Variants in ANKS1B observed in about 807,000 individuals in gnomAD.
The protein encoded by ANKS1B is ankyrin repeat and sterile alpha motif domain-containing protein 1B.
In ANKS1B, 36 loss-of-function variants were observed where a neutral mutation model predicts 148.3. That is an observed-to-expected ratio of 0.24 (90% CI 0.19 to 0.32). The LOEUF (loss-of-function observed/expected upper bound fraction) is 0.32, where lower values mean the gene tolerates loss of function less well. Among genes scored for constraint, ANKS1B ranks in the 10% least tolerant of loss-of-function variants. ANKS1B has a pLI of 1.00. For synonymous variants in ANKS1B, 542 were observed against 560.8 expected (o/e 0.97, Z 0.47); for missense variants, 1,157 against 1,542.6 (o/e 0.75, Z 4.19).
intron 10 of ANKS1B, among the ~76,000 whole-genome samples, chr12:99,461,471 T>C (rs2095968464): frequency 6.6e-6 from 1 of 152,232 alleles, no homozygotes; most frequent in South Asian, 2.1e-4. Flanking sequence ...AATCCCTGAA[T>C]AAAATATCAC....
intron 6 of ANKS1B, among the ~76,000 whole-genome samples, chr12:99,776,068 T>C (rs1601891730): frequency 6.6e-6 from 1 of 152,184 alleles, no homozygotes; most frequent in African/African-American, 2.4e-5. Context: ...CAAATTCAGA[T>C]GGATACCACA....
In ANKS1B at chr12:99,634,037, G is replaced by A. The variant is rs867940821; in HGVS notation, c.1272+21030C>T. On this transcript the variant is annotated intron_variant, in intron 9 of 26. Coordinates refer to ENST00000683438, the MANE Select transcript of ANKS1B (RefSeq NM_001352186.2). ...TTGGGGCTATGATGTGGAAGAAATGGATTTTTATGTGAGAAGGACATCAGT... is the reference window on the plus strand; with the variant it reads ...TTGGGGCTATGATGTGGAAGAAATGAATTTTTATGTGAGAAGGACATCAGT... Among the ~76,000 whole-genome samples, 7 of 152,120 alleles carry A rather than the reference G, an allele frequency of 4.6e-5. No homozygotes were observed. In the South Asian group the frequency reaches 1.2e-3, roughly 27 times the overall value.
At chr12:99,265,736 A>C (rs1163259286) in intron 12 of ANKS1B, among the ~76,000 whole-genome samples, 1 of 152,136 alleles carries the variant, frequency 6.6e-6, no homozygotes, top group Non-Finnish European at 1.5e-5. Flanking sequence ...AGAGTAAGCA[A>C]GTCATGATCC....
At chr12:99,887,549 G>C (rs368017018) in intron 1 of ANKS1B, among the ~76,000 whole-genome samples, 15 of 152,160 alleles carry the variant, frequency 9.9e-5, no homozygotes, top group African/African-American at 3.6e-4. Context: ...TAGAAGACAT[G>C]TGGAGGCAAA....
chr12:99,760,947 A>C (rs2062037072), intron 8 of ANKS1B, among the ~76,000 whole-genome samples: 1 of 151,332 alleles, frequency 6.6e-6, no homozygotes, highest in African/African-American at 2.4e-5. Context: ...AATCTAGAGG[A>C]AGTAGATAAA....
At chr12:99,971,123 G>A (rs1174486018) in intron 1 of ANKS1B, among the ~76,000 whole-genome samples, 7 of 152,088 alleles carry the variant, frequency 4.6e-5, no homozygotes, top group African/African-American at 1.7e-4. Flanking sequence ...TGATTAATGA[G>A]CTTTGTCTAA....
At chr12:99,707,028 C>T (rs1038970689) in intron 8 of ANKS1B, among the ~76,000 whole-genome samples, 13 of 152,126 alleles carry the variant, frequency 8.5e-5, no homozygotes, top group Admixed American at 5.2e-4. Flanking sequence ...ATACCTGACA[C>T]ACGAAACTGT....
chr12:99,549,116 C>T (rs1289848982), intron 9 of ANKS1B, among the ~76,000 whole-genome samples: 2 of 151,894 alleles, frequency 1.3e-5, no homozygotes, highest in African/African-American at 2.4e-5. Flanking sequence ...AAGAAGAAAC[C>T]GAAACTCTAG....
intron 17 of ANKS1B, among the ~76,000 whole-genome samples, chr12:98,995,428 T>TA (rs1481232517): frequency 6.6e-6 from 1 of 151,800 alleles, no homozygotes; most frequent in South Asian, 2.1e-4. Context: ...CCATCTCTAC[T>TA]AAAAAAAATT....
chr12:98,846,005 C>CACACACACAT (rs1491400567), intron 17 of ANKS1B, among the ~76,000 whole-genome samples: 19 of 149,638 alleles, frequency 1.3e-4, no homozygotes, highest in African/African-American at 3.0e-4. Flanking sequence ...CACACACACA[C>CACACACACAT]ATATATGTAC....
At chr12:99,576,812 G>A (rs769239253) in intron 9 of ANKS1B, among the ~76,000 whole-genome samples, 1 of 151,734 alleles carries the variant, frequency 6.6e-6, no homozygotes, top group Non-Finnish European at 1.5e-5. Context: ...TTGTTACCTA[G>A]GTATATTGGG....
At chr12:99,070,954 C>A (rs2046084369) in intron 16 of ANKS1B, among the ~76,000 whole-genome samples, 1 of 152,214 alleles carries the variant, frequency 6.6e-6, no homozygotes, top group Non-Finnish European at 1.5e-5. Flanking sequence ...CATAAGCCAA[C>A]ACGCCCAGCC....
intron 17 of ANKS1B, among the ~76,000 whole-genome samples, chr12:98,917,559 G>A (rs1176715513): frequency 2.0e-5 from 3 of 152,188 alleles, no homozygotes; most frequent in South Asian, 4.1e-4. Flanking sequence ...CAATTAATAC[G>A]AAGCGTAAGA....
At chr12:99,325,557 C>T (rs143234089) in intron 12 of ANKS1B, among the ~76,000 whole-genome samples, 1 of 149,742 alleles carries the variant, frequency 6.7e-6, no homozygotes, top group Non-Finnish European at 1.5e-5. Flanking sequence ...CAGCGAATGC[C>T]ATAGACATCT....
intron 1 of ANKS1B, among the ~76,000 whole-genome samples, chr12:99,943,952 CT>C (rs1234851042): frequency 6.6e-6 from 1 of 152,084 alleles, no homozygotes. Flanking sequence ...TATCCCTCCC[CT>C]AGCCCCCACC....
chr12:99,314,837 C>A (rs1369512370), intron 12 of ANKS1B, among the ~76,000 whole-genome samples: 1 of 152,126 alleles, frequency 6.6e-6, no homozygotes, highest in Non-Finnish European at 1.5e-5. Flanking sequence ...CTAGGCAATA[C>A]CATTCAGGAC....
intron 17 of ANKS1B, among the ~76,000 whole-genome samples, chr12:98,904,176 A>G (rs2099775909): frequency 6.6e-6 from 1 of 152,124 alleles, no homozygotes; most frequent in African/African-American, 2.4e-5. Flanking sequence ...GGCTGAAGCA[A>G]GGGCTATGGG....
At chr12:99,219,691 T>C (rs1293724161) in intron 14 of ANKS1B, among the ~76,000 whole-genome samples, 3 of 152,330 alleles carry the variant, frequency 2.0e-5, no homozygotes, top group Admixed American at 2.0e-4. Flanking sequence ...TTCTAGAAAC[T>C]TCCAGATGAA....
chr12:98,829,082 G>T lies in ANKS1B; in HGVS notation c.3066+92C>A. On this transcript the variant is annotated intron_variant, in intron 19 of 26. Coordinates refer to ENST00000683438, the MANE Select transcript of ANKS1B (RefSeq NM_001352186.2). This position sits in a 1 kb window ranked among gnomAD's most constrained non-coding sequence, Gnocchi z 5.2. ...ATGGTATAAATTCTAGTTAGGCACGGACAATAAGCATCCATAGGAAGCTAC... is the reference window on the plus strand; with the variant it reads ...ATGGTATAAATTCTAGTTAGGCACGTACAATAAGCATCCATAGGAAGCTAC... 1 of 1,437,994 alleles carries T rather than the reference G, an allele frequency of 7.0e-7. No homozygotes were observed. The allele number at this position is 1,437,994 out of a possible 1,614,324, so 89.1% of individuals were successfully genotyped here.
Sources: allele counts gnomAD v4.1 joint callset (sites outside exome capture counted in the v4.1 genomes callset), GRCh38; gene constraint gnomAD v4.1.1; non-coding constraint Gnocchi (gnomAD v3.1); transcripts MANE v1.5; gene names NCBI Gene and HGNC (gene_info 2026-07-23, HGNC 2026-07-21).